Variants in DOP1B observed in about 807,000 individuals in gnomAD.
DOP1B encodes DOP1 leucine zipper like protein B.
Under a neutral mutation model 233.5 loss-of-function variants are expected in DOP1B, and 174 were observed. That is an observed-to-expected ratio of 0.75 (90% confidence interval 0.66 to 0.85). The LOEUF is 0.85. Among genes scored for constraint, DOP1B ranks in the 40% least tolerant of loss-of-function variants. The pLI is 0.00. For synonymous variants in DOP1B, 1,190 were observed against 1,185.6 expected (o/e 1.00, Z -0.08); for missense variants, 2,652 against 2,846.6 (o/e 0.93, Z 1.56).
intron 21 of DOP1B, 98 bp from the exon 22 acceptor site, chr21:36,251,064 G>A (rs2067027063): frequency 2.1e-6 from 3 of 1,456,534 alleles, no homozygotes; most frequent in Non-Finnish European, 1.8e-6. Context: ...ACATGACAGG[G>A]TCCTTGCTCT....
rs181222525 is a variant in DOP1B at position 36,268,184 on chromosome 21, G to A, written c.5488-1829G>A. ...GCGTATCTCAGTCCTTATCTCAACC[G>A]CATAAGACAGACATTCCCACAGTGG... On this transcript the variant is annotated intron_variant, in intron 26 of 36. Transcript: ENST00000691173. Among the ~76,000 whole-genome samples the A allele has an allele frequency of 1.1e-4, 17 of 152,188 alleles. No homozygotes were observed. The East Asian group carries it at 1.3e-3, about 12-fold the overall frequency.
intron 30 of DOP1B, among the ~76,000 whole-genome samples, chr21:36,279,087 A>G (rs2067385996): frequency 6.6e-6 from 1 of 151,890 alleles, no homozygotes; most frequent in South Asian, 2.1e-4. Flanking sequence ...CAGATGCAAG[A>G]TGTGCTCCTG....
At chr21:36,250,981 G>A (rs534611291) in intron 21 of DOP1B, among the ~76,000 whole-genome samples, 181 bp from the exon 22 acceptor site, 120 of 152,280 alleles carry the variant, frequency 7.9e-4, no homozygotes, top group African/African-American at 2.6e-3. Flanking sequence ...AGCTCCTTGC[G>A]GAAAGGGTTT....
intron 10 of DOP1B, 145 bp downstream of exon 10, chr21:36,219,637 G>A (rs928345443): frequency 5.9e-6 from 7 of 1,184,932 alleles, no homozygotes; most frequent in South Asian, 4.7e-5. Flanking sequence ...AATAATCAAT[G>A]CGTTGAAGTC....
intron 32 of DOP1B, among the ~76,000 whole-genome samples, chr21:36,283,573 G>A (rs2067443831): frequency 6.6e-6 from 1 of 152,140 alleles, no homozygotes; most frequent in African/African-American, 2.4e-5. Flanking sequence ...ATATTAACAA[G>A]TCCAGTTGGC....
chr21:36,203,646 G>C (rs191102400), intron 4 of DOP1B, among the ~76,000 whole-genome samples: 1,760 of 152,058 alleles, frequency 0.012, 17 homozygotes, highest in South Asian at 0.024. Flanking sequence ...GGGTGCAGTG[G>C]GGGGGGTCAT....
chr21:36,202,684 G>A (rs1381344187), intron 4 of DOP1B, among the ~76,000 whole-genome samples: 1 of 152,222 alleles, frequency 6.6e-6, no homozygotes, highest in Admixed American at 6.5e-5. Context: ...ACATAGACCA[G>A]GTGTTGGCTC....
At chr21:36,267,024 G>A (rs1286028286) in intron 26 of DOP1B, among the ~76,000 whole-genome samples, 10 of 152,254 alleles carry the variant, frequency 6.6e-5, no homozygotes, top group Non-Finnish European at 4.4e-5. Context: ...CAGCAGGCAG[G>A]TGTGCCCTGC....
intron 21 of DOP1B, among the ~76,000 whole-genome samples, chr21:36,250,470 G>A (rs1292972435): frequency 1.3e-5 from 2 of 152,172 alleles, no homozygotes; most frequent in Non-Finnish European, 2.9e-5. Context: ...AGGAGGCCTG[G>A]CCTGACCTGG....
At chr21:36,273,315 G>A (rs939528436) in intron 27 of DOP1B, among the ~76,000 whole-genome samples, 1 of 150,770 alleles carries the variant, frequency 6.6e-6, no homozygotes, top group African/African-American at 2.4e-5. Context: ...GCTGAGGCAG[G>A]AGAATCACTG....
At chr21:36,227,512 A>C (rs533958968) in intron 12 of DOP1B, among the ~76,000 whole-genome samples, 174 bp from the exon 13 acceptor site, 1 of 151,818 alleles carries the variant, frequency 6.6e-6, no homozygotes, top group African/African-American at 2.4e-5. Context: ...GCGACACTGC[A>C]CTCCAGCCTG....
At chr21:36,201,794 T>C (rs971059102) in intron 4 of DOP1B, among the ~76,000 whole-genome samples, 2 of 152,076 alleles carry the variant, frequency 1.3e-5, no homozygotes, top group African/African-American at 4.8e-5. Flanking sequence ...CTTGGAGAAA[T>C]CTATAGCACT....
At chr21:36,159,744 G>A (rs530184574) in intron 1 of DOP1B, among the ~76,000 whole-genome samples, 4 of 152,094 alleles carry the variant, frequency 2.6e-5, no homozygotes, top group African/African-American at 7.2e-5. Flanking sequence ...ACACCTTATC[G>A]TCAATACACA....
At chr21:36,163,596 T>C (rs1480327155) in intron 1 of DOP1B, among the ~76,000 whole-genome samples, 3 of 152,224 alleles carry the variant, frequency 2.0e-5, no homozygotes, top group Non-Finnish European at 4.4e-5. Context: ...CCGCGTTCAC[T>C]CACGTTTAAC....
chr21:36,162,112 T>G (rs1459296898), intron 1 of DOP1B, among the ~76,000 whole-genome samples: 2 of 152,172 alleles, frequency 1.3e-5, no homozygotes, highest in Non-Finnish European at 2.9e-5. Flanking sequence ...AAGATCAAGG[T>G]GCTGGCAGAT....
intron 2 of DOP1B, among the ~76,000 whole-genome samples, chr21:36,185,572 C>T (rs1573305): frequency 0.042 from 6,391 of 152,204 alleles, 195 homozygotes; most frequent in Non-Finnish European, 0.057. Context: ...AGGTGTATGA[C>T]GAGTATTTCA....
chr21:36,167,089 A>C (rs1387137258), intron 2 of DOP1B, among the ~76,000 whole-genome samples: 1 of 152,226 alleles, frequency 6.6e-6, no homozygotes, highest in African/African-American at 2.4e-5. Flanking sequence ...GAAGCAGTAG[A>C]ACCGCATTGA....
intron 16 of DOP1B, among the ~76,000 whole-genome samples, chr21:36,238,212 G>T (rs1389190728): frequency 6.6e-6 from 1 of 152,238 alleles, no homozygotes; most frequent in African/African-American, 2.4e-5. Context: ...TTTTTTAAAA[G>T]AATATATTTT....
intron 32 of DOP1B, among the ~76,000 whole-genome samples, chr21:36,286,494 G>C (rs1201019292): frequency 6.6e-6 from 1 of 151,516 alleles, no homozygotes; most frequent in Non-Finnish European, 1.5e-5. Flanking sequence ...AAATTAGCTG[G>C]GTGTGGTGGT....
Sources: allele counts gnomAD v4.1 joint callset (sites outside exome capture counted in the v4.1 genomes callset), GRCh38; gene constraint gnomAD v4.1.1; transcripts MANE v1.5; gene names NCBI Gene and HGNC (gene_info 2026-07-23, HGNC 2026-07-21).